HECTD4: variants seen among roughly 807,000 people sequenced by gnomAD.
HECTD4 encodes the protein probable E3 ubiquitin-protein ligase HECTD4.
A neutral mutation model predicts 471.5 loss-of-function variants in HECTD4; 114 were observed. The ratio of observed to expected loss-of-function variants is 0.24; its 90% CI spans 0.21 to 0.28. The LOEUF is 0.28. Ranked by LOEUF, HECTD4 falls within the 10% of genes least tolerant of loss-of-function variation. HECTD4 has a pLI of 1.00. For missense variants in HECTD4, 3,866 were observed against 5,651.5 expected (o/e 0.68, Z 10.13); for synonymous variants, 2,012 against 2,256.0 (o/e 0.89, Z 3.07).
chr12:112,165,770 C>T (rs2030927591), intron 72 of HECTD4, among the ~76,000 whole-genome samples: 1 of 152,256 alleles, frequency 6.6e-6, no homozygotes, highest in African/African-American at 2.4e-5. Flanking sequence ...GCTGTCGCCT[C>T]CCCACATATG....
At chr12:112,209,857 CCTT>C (rs2032709115) in intron 50 of HECTD4, among the ~76,000 whole-genome samples, 155 bp downstream of exon 50, 1 of 152,198 alleles carries the variant, frequency 6.6e-6, no homozygotes, top group South Asian at 2.1e-4. Context: ...CTGCTCCCCA[CCTT>C]CTTTCACCAG....
In HECTD4 at chr12:112,258,962, T is replaced by C; in HGVS notation, c.3027+150A>G. 8.5e-6 allele frequency: 6 copies of C among 708,176 alleles called. No individual in the cohort carries two copies. The South Asian group carries it at 1.1e-4, about 13-fold the overall frequency. The allele number at this position is 708,176 out of a possible 1,614,324, so 43.9% of individuals were successfully genotyped here. ...TGTTTTCCCTTATTATTTATTTTTA[T>C]GACATGATATTTTTCTTCATTCCAT... On this transcript the variant is annotated intron_variant, in intron 19 of 75. Coordinates refer to ENST00000682272, the MANE Select transcript of HECTD4 (RefSeq NM_001388303.1).
At chr12:112,284,640 C>T (rs1324946435) in intron 7 of HECTD4, among the ~76,000 whole-genome samples, 1 of 152,184 alleles carries the variant, frequency 6.6e-6, no homozygotes. Flanking sequence ...TGCTTTTTAA[C>T]CCTTTGCAGT....
In HECTD4 at chr12:112,219,412, G is replaced by C; in HGVS notation, c.7048C>G (p.Pro2350Ala). The C allele has an allele frequency of 1.2e-6, 2 of 1,613,678 alleles. No individual in the cohort carries two copies. Among genetic ancestry groups the C allele is most frequent in the East Asian group, 2.2e-5 (1 of 44,870 alleles). ...LYRDCARPPP[P>A]PLQADRRQPK... ...TGTCTTCGGTCAGCCTGCAAAGGAG[G>C]TGGTGGGGGCCGAGCACAGTCCCGG... The change falls in exon 45 of 76, where the codon CCT becomes GCT. Residue 2350 changes from proline to alanine, a missense_variant. Physicochemically the swap from Pro to Ala is conservative, Grantham distance 27. Transcript: ENST00000682272.
At position 112,283,101 on chromosome 12, in the gene HECTD4, G is replaced by A; in HGVS notation, c.1528+9C>T. 6.2e-7 allele frequency: 1 copy of A among 1,609,282 alleles called. No individual in the cohort carries two copies. The highest frequency in any genetic ancestry group is 8.5e-7 in the Non-Finnish European group (1 of 1,176,996). On this transcript the variant is annotated intron_variant, in intron 8 of 75. Transcript: ENST00000682272. ...AGGAAACAGATCTGGGAAGCACAGA[G>A]TAACATACCTGCTTGATCCTCTTTC...
At chr12:112,291,757 A>G (rs1188517137) in intron 7 of HECTD4, among the ~76,000 whole-genome samples, 1 of 152,154 alleles carries the variant, frequency 6.6e-6, no homozygotes, top group Non-Finnish European at 1.5e-5. Flanking sequence ...CTCTAGTCCC[A>G]GCTACTCGGG....
In HECTD4 at chr12:112,313,008, T is replaced by G; in HGVS notation, c.916+9A>C. On this transcript the variant is annotated intron_variant, in intron 4 of 75. Transcript: ENST00000682272. ...ACTATTAATCACAGGACAAAAACTT[T>G]TACATTACCTTTATTTTCAGAACTG... is the stretch of plus-strand genomic sequence containing the variant. The G allele has an allele frequency of 1.3e-6, 2 of 1,534,518 alleles. No individual in the cohort carries two copies. The highest frequency in any genetic ancestry group is 1.7e-6 in the Non-Finnish European group (2 of 1,146,386).
At chr12:112,251,200 G>C in intron 23 of HECTD4, 66 bp from the exon 24 acceptor site, 1 of 1,486,732 alleles carries the variant, frequency 6.7e-7, no homozygotes, top group Non-Finnish European at 9.2e-7. Flanking sequence ...TACCTGTGCT[G>C]CCCCACACTG....
intron 27 of HECTD4, among the ~76,000 whole-genome samples, 165 bp from the exon 28 acceptor site, chr12:112,247,715 T>C (rs2135585284): frequency 6.6e-6 from 1 of 152,326 alleles, no homozygotes. Flanking sequence ...TGATTAAAAA[T>C]GGCATTGACT....
intron 7 of HECTD4, among the ~76,000 whole-genome samples, chr12:112,291,173 C>T (rs980453984): frequency 1.6e-4 from 25 of 151,842 alleles, no homozygotes; most frequent in African/African-American, 6.0e-4. Flanking sequence ...TGTTTCTTTA[C>T]AAAATTTTTC....
At chr12:112,201,041 TATGTG>T in intron 54 of HECTD4, 1 of 570,540 alleles carries the variant, frequency 1.8e-6, no homozygotes, top group Middle Eastern at 3.0e-4. Flanking sequence ...ATAAACTTGC[TATGTG>T]CTTTTCTAAG....
At chr12:112,364,819 A>C (rs2036529151) in intron 1 of HECTD4, among the ~76,000 whole-genome samples, 1 of 152,252 alleles carries the variant, frequency 6.6e-6, no homozygotes, top group African/African-American at 2.4e-5. Context: ...GTTCATCAAA[A>C]ATAACTACCT....
chr12:112,374,478 C>T (rs1362036), intron 1 of HECTD4, among the ~76,000 whole-genome samples: 6,069 of 152,292 alleles, frequency 0.04, 265 homozygotes, highest in African/African-American at 0.11. Context: ...ACTTCATTCT[C>T]ATTTTACAGC....
chr12:112,183,771 AC>A (rs1215270893), intron 61 of HECTD4, among the ~76,000 whole-genome samples: 1 of 152,234 alleles, frequency 6.6e-6, no homozygotes, highest in African/African-American at 2.4e-5. Flanking sequence ...ACTATGACTC[AC>A]TAGCATGCAG....
At chr12:112,233,650 T>G (rs988467943) in intron 37 of HECTD4, among the ~76,000 whole-genome samples, 10 of 152,150 alleles carry the variant, frequency 6.6e-5, no homozygotes, top group Non-Finnish European at 1.3e-4. Flanking sequence ...TAAGGGTATC[T>G]AGAAATCCAG....
intron 34 of HECTD4, among the ~76,000 whole-genome samples, chr12:112,238,583 TA>T (rs2033568684): frequency 6.6e-6 from 1 of 152,042 alleles, no homozygotes; most frequent in Admixed American, 6.6e-5. Flanking sequence ...CAAAAAACCT[TA>T]GCTAGGCATG....
intron 22 of HECTD4, among the ~76,000 whole-genome samples, chr12:112,253,500 G>A (rs116626556): frequency 0.012 from 1,802 of 152,230 alleles, 40 homozygotes; most frequent in African/African-American, 0.042. Flanking sequence ...TAAAGGCCCC[G>A]GGAACAGACT....
intron 1 of HECTD4, among the ~76,000 whole-genome samples, chr12:112,359,946 C>T (rs76130951): frequency 1.3e-5 from 2 of 152,090 alleles, no homozygotes; most frequent in Non-Finnish European, 2.9e-5. Flanking sequence ...TGCTACAAAG[C>T]CCAAAGAGAA....
At chr12:112,330,355 G>C (rs1385173021) in intron 1 of HECTD4, among the ~76,000 whole-genome samples, 1 of 151,778 alleles carries the variant, frequency 6.6e-6, no homozygotes, top group Non-Finnish European at 1.5e-5. Flanking sequence ...ATTATTAGGA[G>C]TATTTAGAGA....
Sources: gnomAD v4.1 joint callset for allele counts (sites outside exome capture counted in the v4.1 genomes callset) on GRCh38, gnomAD v4.1.1 for gene constraint, MANE v1.5 for transcripts, NCBI Gene and HGNC (gene_info 2026-07-23, HGNC 2026-07-21) for gene names.